DAB1: variants seen among roughly 807,000 people sequenced by gnomAD.
DAB1 encodes the protein disabled homolog 1.
DAB1 carries 15 observed loss-of-function variants against 64.6 expected under a neutral mutation model. The ratio of observed to expected loss-of-function variants is 0.23; its 90% CI spans 0.16 to 0.36. The LOEUF (loss-of-function observed/expected upper bound fraction) is 0.36, where lower values mean the gene tolerates loss of function less well. Ranked by LOEUF, DAB1 falls within the 10% of genes least tolerant of loss-of-function variation. The pLI is 1.00. For synonymous variants in DAB1, 235 were observed against 251.9 expected (o/e 0.93, Z 0.64); for missense variants, 596 against 706.7 (o/e 0.84, Z 1.78).
At chr1:58,141,592 C>T (rs753993033) in intron 5 of DAB1, among the ~76,000 whole-genome samples, 3 of 152,114 alleles carry the variant, frequency 2.0e-5, no homozygotes, top group Non-Finnish European at 4.4e-5. Flanking sequence ...GGGAATGTCC[C>T]AAGCCATTCA....
chr1:57,831,585 A>C (rs1448946352), intron 1 of DAB1, among the ~76,000 whole-genome samples: 2 of 129,172 alleles, frequency 1.5e-5, no homozygotes, highest in African/African-American at 6.0e-5. Context: ...CCTGCTACCC[A>C]GGCTGGAGTG....
At chr1:58,117,523 C>A (rs1394007040) in intron 5 of DAB1, among the ~76,000 whole-genome samples, 1 of 152,190 alleles carries the variant, frequency 6.6e-6, no homozygotes, top group Non-Finnish European at 1.5e-5. Context: ...CCTGGCACTT[C>A]CATCAGGGAC....
chr1:57,350,503 C>T (rs1678498216), intron 1 of DAB1, among the ~76,000 whole-genome samples: 1 of 152,064 alleles, frequency 6.6e-6, no homozygotes, highest in Admixed American at 6.6e-5. Flanking sequence ...ATCCTGCTCC[C>T]ACTTGGCCCC....
At chr1:58,317,833 C>T (rs186584825) in intron 4 of DAB1, among the ~76,000 whole-genome samples, 118 of 152,310 alleles carry the variant, frequency 7.7e-4, no homozygotes, top group Non-Finnish European at 1.4e-3. Flanking sequence ...TACTTTGTTA[C>T]ACCACAATAG....
At chr1:57,006,628 G>A (rs1487514654) in intron 14 of DAB1, among the ~76,000 whole-genome samples, 1 of 152,158 alleles carries the variant, frequency 6.6e-6, no homozygotes, top group Non-Finnish European at 1.5e-5. Flanking sequence ...GTTCATAAAG[G>A]TCCAAGGAAG....
chr1:57,297,078 G>T (rs553639521), intron 1 of DAB1, among the ~76,000 whole-genome samples: 1 of 152,244 alleles, frequency 6.6e-6, no homozygotes, highest in Admixed American at 6.5e-5. Context: ...ATGCAGTACT[G>T]TGTAGTGTTC....
chr1:57,743,692 TCCAGGAGAC>T (rs1448804356), intron 6 of DAB1, among the ~76,000 whole-genome samples: 3 of 152,010 alleles, frequency 2.0e-5, no homozygotes, highest in Non-Finnish European at 4.4e-5. Context: ...AGCAGCTCGG[TCCAGGAGAC>T]CCTAACCCAG....
intron 5 of DAB1, chr1:58,071,605 T>G (rs993985513): frequency 6.6e-6 from 1 of 152,150 alleles, no homozygotes; most frequent in Non-Finnish European, 1.5e-5. Context: ...GTCTGAAGAA[T>G]GAACACATGG....
intron 1 of DAB1, among the ~76,000 whole-genome samples, chr1:58,540,976 T>C (rs1341900190): frequency 1.3e-5 from 2 of 152,052 alleles, no homozygotes; most frequent in African/African-American, 4.8e-5. Flanking sequence ...GATAAAATCT[T>C]AAACTTGACA....
chr1:57,220,333 C>A (rs536106768), intron 2 of DAB1, among the ~76,000 whole-genome samples: 89 of 152,278 alleles, frequency 5.8e-4, no homozygotes, highest in Non-Finnish European at 8.8e-5. Context: ...TGCATCGTTT[C>A]ATCATGCAAT....
chr1:57,020,637 T>C (rs1179338476), intron 11 of DAB1, among the ~76,000 whole-genome samples: 1 of 152,228 alleles, frequency 6.6e-6, no homozygotes. Context: ...ACAGGACATA[T>C]ATTCATCTAC....
intron 7 of DAB1, among the ~76,000 whole-genome samples, chr1:57,433,599 C>T (rs1487936452): frequency 6.6e-6 from 1 of 151,892 alleles, no homozygotes; most frequent in Non-Finnish European, 1.5e-5. Flanking sequence ...TAGAGGTATG[C>T]ACAGGTTTCT....
intron 8 of DAB1, among the ~76,000 whole-genome samples, chr1:57,066,574 G>A (rs2100580557): frequency 6.6e-6 from 1 of 152,288 alleles, no homozygotes; most frequent in African/African-American, 2.4e-5. Flanking sequence ...GTTATAAATA[G>A]GAAAGTGAAG....
chr1:57,537,451 T>C (rs1644744077), intron 7 of DAB1, among the ~76,000 whole-genome samples: 1 of 152,230 alleles, frequency 6.6e-6, no homozygotes, highest in Non-Finnish European at 1.5e-5. Context: ...ATTGCAGTGA[T>C]ACCAACACTC....
At chr1:58,313,856 T>TGA (rs3055509) in intron 4 of DAB1, among the ~76,000 whole-genome samples, 15,432 of 111,122 alleles carry the variant, frequency 0.14, 1,271 homozygotes, top group East Asian at 0.33. Context: ...TGTGTGTGTG[T>TGA]GAGAGAGAGA....
chr1:57,352,672 C>T (rs1442745180), intron 1 of DAB1, among the ~76,000 whole-genome samples: 1 of 152,134 alleles, frequency 6.6e-6, no homozygotes, highest in Non-Finnish European at 1.5e-5. Context: ...TGAACCCACA[C>T]ATTCTAGTAA....
chr1:58,129,124 A>C (rs1248268282), intron 5 of DAB1, among the ~76,000 whole-genome samples: 2 of 150,376 alleles, frequency 1.3e-5, no homozygotes, highest in African/African-American at 4.9e-5. Context: ...GATTATTGCC[A>C]CAATTTCAGA....
At chr1:58,071,274 C>T (rs1016277481) in intron 5 of DAB1, among the ~76,000 whole-genome samples, 1 of 151,888 alleles carries the variant, frequency 6.6e-6, no homozygotes, top group Non-Finnish European at 1.5e-5. Flanking sequence ...GTGATCTGTA[C>T]TATCCTGGGA....
At chr1:57,314,141 T>C (rs924575897) in intron 1 of DAB1, among the ~76,000 whole-genome samples, 3 of 152,226 alleles carry the variant, frequency 2.0e-5, no homozygotes, top group African/African-American at 4.8e-5. Context: ...GTTTGTTCCC[T>C]ACGCAATTTA....
Sources: gnomAD v4.1 joint callset for allele counts (sites outside exome capture counted in the v4.1 genomes callset) on GRCh38, gnomAD v4.1.1 for gene constraint, MANE v1.5 for transcripts, NCBI Gene and HGNC (gene_info 2026-07-23, HGNC 2026-07-21) for gene names.